The following COMMD7 variants were observed in gnomAD, a reference collection of about 807,000 sequenced individuals.
COMMD7 encodes the protein COMM domain-containing protein 7.
COMMD7 carries 28 observed loss-of-function variants against 34.8 expected under a neutral mutation model. The ratio of observed to expected loss-of-function variants is 0.80; its 90% confidence interval spans 0.60 to 1.10. The LOEUF is 1.10. Ranked by LOEUF, COMMD7 falls within the 50% of genes least tolerant of loss-of-function variation. COMMD7 has a pLI of 0.00. For missense variants in COMMD7, 211 were observed against 241.6 expected, an observed-to-expected ratio of 0.87 and a Z score of 0.84; for synonymous variants, 80 against 86.4, an observed-to-expected ratio of 0.93 and a Z score of 0.41.
chr20:32,725,840 C>T (rs112242839), intron 3 of COMMD7, among the ~76,000 whole-genome samples: 10 of 151,582 alleles, frequency 6.6e-5, no homozygotes, highest in East Asian at 1.9e-4. Flanking sequence ...CGCTTGAGCT[C>T]GGGAATTTGA....
chr20:32,707,823 C>T (rs916216205), intron 3 of COMMD7, among the ~76,000 whole-genome samples: 1 of 151,848 alleles, frequency 6.6e-6, no homozygotes, highest in Non-Finnish European at 1.5e-5. Flanking sequence ...TAGAGCTCCA[C>T]AATGCATTAT....
intron 5 of COMMD7, among the ~76,000 whole-genome samples, chr20:32,705,292 G>C (rs1398332775): frequency 6.7e-6 from 1 of 148,378 alleles, no homozygotes; most frequent in Admixed American, 6.7e-5. Flanking sequence ...CAGTGAATTG[G>C]AGAAAGGAGG....
At chr20:32,740,649 G>A (rs1427824292) in intron 1 of COMMD7, among the ~76,000 whole-genome samples, 1 of 151,816 alleles carries the variant, frequency 6.6e-6, no homozygotes, top group Non-Finnish European at 1.5e-5. Flanking sequence ...ACCAGCCTGG[G>A]CAACATGGCA....
chr20:32,704,382 T>TACG (rs1983928696), intron 7 of COMMD7, 58 bp downstream of exon 7: 2 of 1,433,572 alleles, frequency 1.4e-6, no homozygotes, highest in Non-Finnish European at 1.9e-6. Context: ...CCAATGTAGA[T>TACG]ATAATTTTTA....
intron 1 of COMMD7, among the ~76,000 whole-genome samples, chr20:32,730,529 TG>T (rs1985776059): frequency 6.6e-6 from 1 of 151,496 alleles, no homozygotes; most frequent in Non-Finnish European, 1.5e-5. Flanking sequence ...CACTCCAGCC[TG>T]GGTGACAGAG....
At chr20:32,703,519 A>T in intron 8 of COMMD7, 61 bp from the exon 9 acceptor site, 1 of 1,572,072 alleles carries the variant, frequency 6.4e-7, no homozygotes, top group South Asian at 1.2e-5. Flanking sequence ...CATCCAAGAA[A>T]ATTAATTTCC....
At chr20:32,716,483 C>T (rs909667334) in intron 3 of COMMD7, among the ~76,000 whole-genome samples, 3 of 152,074 alleles carry the variant, frequency 2.0e-5, no homozygotes, top group Non-Finnish European at 2.9e-5. Context: ...GGCGTGGTGG[C>T]AGGCGCCTGT....
Position 32,706,592 on chromosome 20 carries a change from A to G in COMMD7, c.327T>C (p.Phe109=). 1 of 1,608,282 alleles carries G rather than the reference A, an allele frequency of 6.2e-7. No individual in the cohort carries two copies. Among genetic ancestry groups the G allele is most frequent in the Non-Finnish European group, 8.5e-7 (1 of 1,174,814 alleles). The change falls in exon 5 of 9, where the codon TTT becomes TTC. Residue 109 remains phenylalanine, a synonymous_variant. Transcript: ENST00000278980. Reference sequence around the variant, plus strand: ...TTAAGAGGAATTATACCTTTTCAGAAAAGTAAGTGGCTTTCTCCTCACTAA... The same window carrying G: ...TTAAGAGGAATTATACCTTTTCAGAGAAGTAAGTGGCTTTCTCCTCACTAA... ...LGLSEEKATY[F]SEKWKQNAPT...
In COMMD7 at chr20:32,703,337, G is replaced by A; in HGVS notation, c.*45C>T. Reference sequence around the variant, plus strand: ...CTCTCAGAGCAGTCACCCAGGGAAGGGAGGAGGGCAGGGAACGGGGCCAGG... The same window carrying A: ...CTCTCAGAGCAGTCACCCAGGGAAGAGAGGAGGGCAGGGAACGGGGCCAGG... On this transcript the variant is annotated 3_prime_UTR_variant, in exon 9 of 9. Coordinates refer to ENST00000278980, the MANE Select transcript of COMMD7 (RefSeq NM_053041.3). 6.4e-7 allele frequency: 1 copy of A among 1,561,252 alleles called. No individual in the cohort carries two copies. Among genetic ancestry groups the A allele is most frequent in the Non-Finnish European group, 8.8e-7 (1 of 1,136,710 alleles).
chr20:32,719,554 G>A (rs573419500), intron 3 of COMMD7, among the ~76,000 whole-genome samples: 1 of 152,198 alleles, frequency 6.6e-6, no homozygotes, highest in African/African-American at 2.4e-5. Context: ...GGAGGCTGAG[G>A]CAGGAGAATT....
At chr20:32,712,759 T>C (rs548612312) in intron 3 of COMMD7, among the ~76,000 whole-genome samples, 1 of 145,848 alleles carries the variant, frequency 6.9e-6, no homozygotes, top group East Asian at 2.0e-4. Context: ...ACTTTTTTTT[T>C]TTTTTTTTTC....
intron 3 of COMMD7, among the ~76,000 whole-genome samples, chr20:32,710,739 A>C (rs979831050): frequency 1.2e-4 from 18 of 151,510 alleles, no homozygotes; most frequent in Non-Finnish European, 1.9e-4. Flanking sequence ...AAAAAAAAAA[A>C]AAAAAAAAAT....
chr20:32,713,266 T>TTG (rs1276404288), intron 3 of COMMD7, among the ~76,000 whole-genome samples: 1 of 152,012 alleles, frequency 6.6e-6, no homozygotes, highest in Non-Finnish European at 1.5e-5. Context: ...GTCAGGCTGG[T>TTG]TGTGAACTCC....
intron 1 of COMMD7, among the ~76,000 whole-genome samples, chr20:32,738,511 T>C (rs977837928): frequency 1.3e-5 from 2 of 151,932 alleles, no homozygotes; most frequent in Non-Finnish European, 1.5e-5. Context: ...CACTTGAACC[T>C]AGGAGGCGGA....
At chr20:32,720,410 G>A (rs547897057) in intron 3 of COMMD7, among the ~76,000 whole-genome samples, 23 of 152,150 alleles carry the variant, frequency 1.5e-4, no homozygotes, top group African/African-American at 3.1e-4. Context: ...CAGGAGAATC[G>A]CTTGAACCCG....
At chr20:32,737,371 A>AC (rs1439636538) in intron 1 of COMMD7, among the ~76,000 whole-genome samples, 1 of 145,570 alleles carries the variant, frequency 6.9e-6, no homozygotes, top group Non-Finnish European at 1.5e-5. Flanking sequence ...CTCCGTCTCA[A>AC]AAAAAAAAGA....
chr20:32,713,009 G>A (rs28586941), intron 3 of COMMD7, among the ~76,000 whole-genome samples: 2 of 151,706 alleles, frequency 1.3e-5, no homozygotes, highest in Non-Finnish European at 2.9e-5. Context: ...TGGGATTACA[G>A]GCGTGAGCCA....
At chr20:32,728,282 C>A (rs1985635781) in intron 1 of COMMD7, 140 bp from the exon 2 acceptor site, 1 of 722,286 alleles carries the variant, frequency 1.4e-6, no homozygotes, top group East Asian at 2.7e-5. Flanking sequence ...CCTATAGTTA[C>A]AAATGTTCAC....
In COMMD7 at chr20:32,704,842, C is replaced by G. The variant is rs1465651495; in HGVS notation, c.399G>C (p.Gln133His). Residue 133 changes from glutamine (Q) to histidine (H), a missense_variant, in exon 6 of 9, where the codon CAG becomes CAC. Gln to His is a conservative substitution (Grantham distance 24). Transcript: ENST00000278980. ...WAIGQTLMIN[Q>H]LIDMEWKFGV... ...CAAATTTCCACTCCATATCTATGAGCTGGTTAATCATCAGAGTCTGACCTA... is the reference window on the plus strand; with the variant it reads ...CAAATTTCCACTCCATATCTATGAGGTGGTTAATCATCAGAGTCTGACCTA... 1 of 1,613,988 alleles carries G rather than the reference C, an allele frequency of 6.2e-7. No homozygotes were observed. Among genetic ancestry groups the G allele is most frequent in the Non-Finnish European group, 8.5e-7 (1 of 1,179,888 alleles).
Sources: gnomAD v4.1 joint callset for allele counts (sites outside exome capture counted in the v4.1 genomes callset) on GRCh38, gnomAD v4.1.1 for gene constraint, MANE v1.5 for transcripts, NCBI Gene and HGNC (gene_info 2026-07-23, HGNC 2026-07-21) for gene names.